The following CILK1 variants were observed in gnomAD, a reference collection of about 807,000 sequenced individuals.
The protein encoded by CILK1 is serine/threonine-protein kinase ICK.
CILK1 carries 47 observed loss-of-function variants against 79.2 expected under a neutral mutation model. That is an observed-to-expected ratio of 0.59 (90% CI 0.47 to 0.76). The LOEUF is 0.76. Ranked by LOEUF, CILK1 falls within the 30% of genes least tolerant of loss-of-function variation. The pLI, the probability that CILK1 is intolerant of heterozygous loss-of-function variation, is 0.00. For synonymous variants in CILK1, 266 were observed against 275.9 expected, an observed-to-expected ratio of 0.96 and a Z score of 0.36; for missense variants, 660 against 769.5, an observed-to-expected ratio of 0.86 and a Z score of 1.68.
At chr6:53,008,097 A>G (rs1269423034) in intron 12 of CILK1, among the ~76,000 whole-genome samples, 1 of 151,720 alleles carries the variant, frequency 6.6e-6, no homozygotes, top group Non-Finnish European at 1.5e-5. Context: ...AAAAATTGCA[A>G]TCAACTTATG....
chr6:53,011,323 C>T (rs551688410), intron 11 of CILK1, among the ~76,000 whole-genome samples: 5 of 152,154 alleles, frequency 3.3e-5, no homozygotes, highest in Non-Finnish European at 7.4e-5. Flanking sequence ...TGGGCCCAGG[C>T]ACGGTGGCTC....
intron 13 of CILK1, among the ~76,000 whole-genome samples, 178 bp downstream of exon 13, chr6:53,006,137 A>G (rs1225472160): frequency 6.6e-6 from 1 of 152,182 alleles, no homozygotes; most frequent in African/African-American, 2.4e-5. Flanking sequence ...CTTAGCACTA[A>G]GTCAGTAAGC....
chr6:53,052,728 C>CA lies in CILK1; in HGVS notation c.-173+8867dup, dbSNP rs199639452. Among the ~76,000 whole-genome samples the CA allele has an allele frequency of 6.6e-3, 871 of 132,024 alleles. 5 individuals are homozygous for CA. Among genetic ancestry groups the CA allele is most frequent in the African/African-American group, 0.02 (692 of 35,334 alleles). 86.6% of individuals were successfully genotyped at this position (132,024 alleles called of 152,430 possible). A position where few individuals can be genotyped will look rare whatever the true frequency, so the allele number is the denominator to read the frequency against. On this transcript the variant is annotated intron_variant, in intron 1 of 13. Transcript: ENST00000676107. ...CCTGGGACAGAGTGAGATTCTGTCT[C>CA]AAAAAAAAAAAAATCAATAAATAAA...
intron 1 of CILK1, among the ~76,000 whole-genome samples, chr6:53,057,612 T>C (rs1050221741): frequency 1.3e-5 from 2 of 152,178 alleles, no homozygotes; most frequent in African/African-American, 2.4e-5. Flanking sequence ...AGATAAAATA[T>C]AACTGAATGC....
Position 53,020,182 on chromosome 6 carries a change from C to T in CILK1, c.359-823G>A, listed in dbSNP as rs555293881. 5.9e-5 allele frequency among the ~76,000 whole-genome samples: 9 copies of T among 152,290 alleles called. No individual in the cohort carries two copies. In the South Asian group the frequency reaches 1.9e-3, roughly 32 times the overall value. ...CAGCTCACATGAAAGGCAAAGATAA[C>T]TCATTACGTAGGAAGCCTGTCTCAG... On this transcript the variant is annotated intron_variant, in intron 5 of 13. Coordinates refer to ENST00000676107, the MANE Select transcript of CILK1 (RefSeq NM_014920.5).
intron 1 of CILK1, among the ~76,000 whole-genome samples, chr6:53,053,487 T>G (rs1248397626): frequency 6.6e-6 from 1 of 152,204 alleles, no homozygotes; most frequent in Non-Finnish European, 1.5e-5. Context: ...CCCTCATAAT[T>G]CTACCAGGCA....
Position 53,041,366 on chromosome 6 carries a change from T to C in CILK1, c.-130A>G, listed in dbSNP as rs1187584777. 5 of 710,840 alleles carry C rather than the reference T, an allele frequency of 7.0e-6. No homozygotes were observed. The highest frequency in any genetic ancestry group is 1.3e-5 in the Non-Finnish European group (5 of 387,436). The allele number at this position is 710,840 out of a possible 1,614,324, so 44.0% of individuals were successfully genotyped here. On this transcript the variant is annotated 5_prime_UTR_variant, in exon 2 of 14. Coordinates refer to ENST00000676107, the MANE Select transcript of CILK1 (RefSeq NM_014920.5). ...CCAGCACAAGGTATTCAATAGGACG[T>C]GACTGTCTCCCAAATACATATTTCC...
intron 3 of CILK1, among the ~76,000 whole-genome samples, chr6:53,036,148 T>C (rs1766316416): frequency 6.6e-6 from 1 of 152,220 alleles, no homozygotes; most frequent in Admixed American, 6.5e-5. Flanking sequence ...ATGAGTAATC[T>C]CTTTTGCATT....
chr6:53,043,138 A>G (rs2127454729), intron 1 of CILK1, among the ~76,000 whole-genome samples: 1 of 152,144 alleles, frequency 6.6e-6, no homozygotes, highest in Middle Eastern at 3.4e-3. Context: ...CAACATGGTG[A>G]AACCCCGTCT....
intron 5 of CILK1, among the ~76,000 whole-genome samples, chr6:53,023,135 A>G (rs1254116942): frequency 2.6e-5 from 4 of 151,864 alleles, no homozygotes; most frequent in Non-Finnish European, 5.9e-5. Flanking sequence ...GGGTTTCACC[A>G]TATTAGCCAG....
Position 53,005,017 on chromosome 6 carries a change from A to T in CILK1, c.*132T>A. On this transcript the variant is annotated 3_prime_UTR_variant, in exon 14 of 14. Coordinates refer to ENST00000676107, the MANE Select transcript of CILK1 (RefSeq NM_014920.5). ...TTAAAAAAGAATATTGACATGTCTT[A>T]GTTCAGAAGAATAACTATAAAGTGT... 1.0e-6 allele frequency: 1 copy of T among 1,000,526 alleles called. No individual in the cohort carries two copies. The highest frequency in any genetic ancestry group is 1.6e-6 in the Non-Finnish European group (1 of 644,590). The allele number at this position is 1,000,526 out of a possible 1,614,324, so 62.0% of individuals were successfully genotyped here. A position where few individuals can be genotyped will look rare whatever the true frequency, so the allele number is the denominator to read the frequency against.
At chr6:53,049,304 G>C (rs931155394) in intron 1 of CILK1, among the ~76,000 whole-genome samples, 2 of 152,230 alleles carry the variant, frequency 1.3e-5, no homozygotes, top group Admixed American at 1.3e-4. Context: ...TCTACAGGAG[G>C]TGACAGATAG....
intron 3 of CILK1, among the ~76,000 whole-genome samples, chr6:53,037,378 C>T: frequency 1.1e-5 from 1 of 91,408 alleles, no homozygotes; most frequent in East Asian, 4.6e-4. Context: ...CAATGCTTGA[C>T]ATGGCACAAA....
Position 53,011,923 on chromosome 6 carries a change from T to G in CILK1, c.1344-6A>C, listed in dbSNP as rs1405326610. On this transcript the variant is annotated splice_polypyrimidine_tract_variant and splice_region_variant and intron_variant, in intron 10 of 13. Transcript: ENST00000676107. Reference sequence around the variant, plus strand: ...GGTCCAAAACACTCTCAAACCTGAATGAAGAGAGCATGGCTTGGGTCAGCA... The same window carrying G: ...GGTCCAAAACACTCTCAAACCTGAAGGAAGAGAGCATGGCTTGGGTCAGCA... 6.2e-7 allele frequency: 1 copy of G among 1,614,174 alleles called. No homozygotes were observed. The highest frequency in any genetic ancestry group is 1.7e-5 in the Admixed American group (1 of 60,024).
chr6:53,059,889 A>G (rs1331796076), intron 1 of CILK1, among the ~76,000 whole-genome samples: 2 of 152,246 alleles, frequency 1.3e-5, no homozygotes, highest in Non-Finnish European at 2.9e-5. Flanking sequence ...TTCAGCAACC[A>G]TTTAATGAGA....
In CILK1 at chr6:53,031,808, T is replaced by G. The variant is rs74674877; in HGVS notation, c.279-664A>C. The stretch of plus-strand genomic sequence containing the variant: ...GATAATGGAAAACTGCAATGTCTAT[T>G]AAGTCTGAGCTTCTTTGGATGAATA... On this transcript the variant is annotated intron_variant, in intron 4 of 13. Transcript: ENST00000676107. Among the ~76,000 whole-genome samples, 1,417 of 152,302 alleles carry G rather than the reference T, an allele frequency of 9.3e-3. 11 individuals are homozygous for G. Among genetic ancestry groups the G allele is most frequent in the Middle Eastern group, 0.02 (6 of 294 alleles).
intron 5 of CILK1, among the ~76,000 whole-genome samples, chr6:53,021,319 C>T (rs1297108545): frequency 5.0e-5 from 6 of 120,422 alleles, no homozygotes; most frequent in Non-Finnish European, 8.1e-5. Context: ...AGCAAGACTT[C>T]GTTTTGGAGC....
intron 5 of CILK1, among the ~76,000 whole-genome samples, chr6:53,021,773 A>G (rs2127424136): frequency 6.6e-6 from 1 of 151,692 alleles, no homozygotes; most frequent in South Asian, 2.1e-4. Flanking sequence ...TCATTATTTT[A>G]GAATTGTACT....
Position 53,006,622 on chromosome 6 carries a change from G to A in CILK1, c.1622-185C>T, listed in dbSNP as rs137910823. On this transcript the variant is annotated intron_variant, in intron 12 of 13. Coordinates refer to ENST00000676107, the MANE Select transcript of CILK1 (RefSeq NM_014920.5). ...CATACTACCCTGTCAGAAAGACTGC[G>A]GGGGCCAAAGACAGTGCTGCTCCTG... Among the ~76,000 whole-genome samples, 564 of 152,296 alleles carry A rather than the reference G, an allele frequency of 3.7e-3. 2 individuals are homozygous for A. The highest frequency in any genetic ancestry group is 6.0e-3 in the Non-Finnish European group (408 of 68,014).
Sources: allele counts gnomAD v4.1 joint callset (sites outside exome capture counted in the v4.1 genomes callset), GRCh38; gene constraint gnomAD v4.1.1; transcripts MANE v1.5; gene names NCBI Gene and HGNC (gene_info 2026-07-23, HGNC 2026-07-21).